Variants in ROS1 observed in about 807,000 individuals in gnomAD.
ROS1 encodes ROS proto-oncogene 1, receptor tyrosine kinase.
In ROS1, 263 loss-of-function variants were observed where a neutral mutation model predicts 273.5. The ratio of observed to expected loss-of-function variants is 0.96; its 90% confidence interval spans 0.87 to 1.06. The LOEUF (loss-of-function observed/expected upper bound fraction) is 1.06. Among genes scored for constraint, ROS1 ranks in the 50% least tolerant of loss-of-function variants. The pLI is 0.00. For missense variants in ROS1, 2,833 were observed against 2,751.1 expected, an observed-to-expected ratio of 1.03 and a Z score of -0.67; for synonymous variants, 1,008 against 954.1, an observed-to-expected ratio of 1.06 and a Z score of -1.04.
Position 117,404,330 on chromosome 6 carries a change from T to G in ROS1, c.415A>C (p.Ile139Leu). 6.2e-7 allele frequency: 1 copy of G among 1,614,064 alleles called. No homozygotes were observed. Among genetic ancestry groups the G allele is most frequent in the Middle Eastern group, 1.6e-4 (1 of 6,062 alleles). ...AGTTGTGCATATTTCCACTGAATGATGTATTTTACTCCAGAGAAGTTTGCA... is the reference window on the plus strand; with the variant it reads ...AGTTGTGCATATTTCCACTGAATGAGGTATTTTACTCCAGAGAAGTTTGCA... Reference protein sequence around the residue: ...KSANFSGVKYIIQWKYAQLLG... With the variant: ...KSANFSGVKYLIQWKYAQLLG... Residue 139 changes from isoleucine (I) to leucine (L), a missense_variant, in exon 6 of 44, where the codon ATC (isoleucine) becomes CTC (leucine). Physicochemically the swap from Ile to Leu is conservative, Grantham distance 5. Coordinates refer to ENST00000368507, the MANE Select transcript of ROS1 (RefSeq NM_001378902.1).
intron 24 of ROS1, among the ~76,000 whole-genome samples, chr6:117,358,587 G>T (rs1388537074): frequency 6.6e-6 from 1 of 151,948 alleles, no homozygotes; most frequent in African/African-American, 2.4e-5. Flanking sequence ...AGCCTCCCAA[G>T]TGGCTGAGAC....
chr6:117,329,257 G>T, intron 33 of ROS1, 72 bp downstream of exon 33: 1 of 736,614 alleles, frequency 1.4e-6, no homozygotes, highest in Non-Finnish European at 2.3e-6. Context: ...CATAAATAGT[G>T]TTACTTTTGA....
chr6:117,292,777 T>C (rs1773934551), intron 43 of ROS1, among the ~76,000 whole-genome samples: 1 of 152,226 alleles, frequency 6.6e-6, no homozygotes, highest in African/African-American at 2.4e-5. Context: ...GCGTTGATTT[T>C]TACCAACTTT....
Position 117,333,343 on chromosome 6 carries a change from C to T in ROS1, c.5230+3829G>A, listed in dbSNP as rs116033616. 5.2e-3 allele frequency among the ~76,000 whole-genome samples: 787 copies of T among 152,152 alleles called. 6 individuals carry two copies. Among genetic ancestry groups the T allele is most frequent in the African/African-American group, 0.018 (735 of 41,516 alleles). On this transcript the variant is annotated intron_variant, in intron 32 of 43. Transcript: ENST00000368507. ...CCAGTAGCAAGCTCTGGAATGGAGG[C>T]AGTAATTAATAGACTACCAACCAAA... is the stretch of plus-strand genomic sequence containing the variant.
intron 18 of ROS1, among the ~76,000 whole-genome samples, chr6:117,373,579 G>C (rs924859047): frequency 2.0e-5 from 3 of 152,236 alleles, no homozygotes; most frequent in Non-Finnish European, 2.9e-5. Context: ...GCCGCTCTGA[G>C]TGCGGGGCCC....
intron 1 of ROS1, among the ~76,000 whole-genome samples, chr6:117,419,632 G>C (rs375912240): frequency 3.3e-5 from 5 of 152,208 alleles, no homozygotes; most frequent in Admixed American, 1.3e-4. Flanking sequence ...TGGTTGAATC[G>C]CAAGCAAATA....
chr6:117,375,785 T>G (rs1781284586), intron 18 of ROS1, among the ~76,000 whole-genome samples: 1 of 152,050 alleles, frequency 6.6e-6, no homozygotes, highest in Non-Finnish European at 1.5e-5. Flanking sequence ...GCAATATAAT[T>G]AAGTATATAG....
intron 1 of ROS1, among the ~76,000 whole-genome samples, chr6:117,423,943 G>A (rs1775949479): frequency 6.6e-6 from 1 of 152,134 alleles, no homozygotes; most frequent in South Asian, 2.1e-4. Context: ...GGCAGACCGT[G>A]TCTCTCTTGC....
chr6:117,311,754 T>C (rs1400755916), intron 39 of ROS1, among the ~76,000 whole-genome samples: 2 of 152,062 alleles, frequency 1.3e-5, no homozygotes, highest in Non-Finnish European at 2.9e-5. Context: ...AGTACAAACA[T>C]ACACTTGAGC....
intron 32 of ROS1, among the ~76,000 whole-genome samples, chr6:117,333,673 G>C (rs1427577101): frequency 3.3e-5 from 5 of 152,110 alleles, no homozygotes; most frequent in Non-Finnish European, 7.4e-5. Context: ...GGGATGCAAG[G>C]CTGATTCAAC....
Position 117,425,542 on chromosome 6 carries a change from T to A in ROS1, c.115A>T (p.Thr39Ser). The change falls in exon 1 of 44, where the codon ACT (threonine) becomes TCT (serine). Residue 39 changes from threonine to serine, a missense_variant. Transcript: ENST00000368507. ...VLNSCLKSCV[T>S]NLGQQLDLGT... is the part of the protein sequence containing the mutation. ...TAGATTGTGAGACTTACCAGATTAG[T>A]TACACACGACTTTAGGCAGCTATTT... The A allele has an allele frequency of 6.3e-7, 1 of 1,595,550 alleles. No homozygotes were observed. Among genetic ancestry groups the A allele is most frequent in the Non-Finnish European group, 8.5e-7 (1 of 1,174,282 alleles).
At chr6:117,409,273 C>T (rs954877587) in intron 5 of ROS1, among the ~76,000 whole-genome samples, 77 of 151,754 alleles carry the variant, frequency 5.1e-4, no homozygotes, top group Non-Finnish European at 4.1e-4. Context: ...GACATCAAGT[C>T]TGCTCAGGAT....
Position 117,288,284 on chromosome 6 carries a change from T to A in ROS1, c.*208A>T. ...TTCCACATGCTTAGTGTTCATCTCA[T>A]AATTCTACTGAAAGTCAGGCAGCTG... On this transcript the variant is annotated 3_prime_UTR_variant, in exon 44 of 44. Transcript: ENST00000368507. 1.7e-6 allele frequency: 1 copy of A among 578,924 alleles called. No individual in the cohort carries two copies. The highest frequency in any genetic ancestry group is 2.2e-5 in the South Asian group (1 of 45,912). 35.9% of individuals were successfully genotyped at this position (578,924 alleles called of 1,614,324 possible).
intron 34 of ROS1, among the ~76,000 whole-genome samples, chr6:117,325,975 GTA>G (rs1356512112): frequency 6.6e-6 from 1 of 151,542 alleles, no homozygotes; most frequent in Admixed American, 6.6e-5. Flanking sequence ...AATTGATGTG[GTA>G]GGAATTAAGG....
chr6:117,308,606 T>C (rs767682007), intron 42 of ROS1, among the ~76,000 whole-genome samples, 188 bp downstream of exon 42: 9 of 152,152 alleles, frequency 5.9e-5, no homozygotes, highest in Non-Finnish European at 1.0e-4. Flanking sequence ...ATCATGTGTA[T>C]ATACAATTAA....
intron 21 of ROS1, among the ~76,000 whole-genome samples, chr6:117,364,140 A>T (rs1362467681): frequency 6.6e-6 from 1 of 152,150 alleles, no homozygotes; most frequent in Non-Finnish European, 1.5e-5. Context: ...CTCAAGCAGA[A>T]CATTCCTGGA....
chr6:117,392,429 G>T (rs1472979838), intron 12 of ROS1, among the ~76,000 whole-genome samples: 2 of 151,792 alleles, frequency 1.3e-5, no homozygotes, highest in Non-Finnish European at 2.9e-5. Context: ...CATGGGCTTT[G>T]CCTACTGGTT....
chr6:117,296,818 T>A (rs1366230720), intron 43 of ROS1, among the ~76,000 whole-genome samples: 1 of 152,156 alleles, frequency 6.6e-6, no homozygotes, highest in Non-Finnish European at 1.5e-5. Context: ...AATTGGTTTG[T>A]AACACAAAGG....
intron 7 of ROS1, among the ~76,000 whole-genome samples, chr6:117,397,381 T>C (rs755608359): frequency 5.9e-5 from 9 of 152,114 alleles, no homozygotes; most frequent in Non-Finnish European, 1.0e-4. Context: ...AATACAATAA[T>C]GGCCCTTTTA....
Sources: allele counts gnomAD v4.1 joint callset (sites outside exome capture counted in the v4.1 genomes callset), GRCh38; gene constraint gnomAD v4.1.1; transcripts MANE v1.5; gene names NCBI Gene and HGNC (gene_info 2026-07-23, HGNC 2026-07-21).